Variants in TSHZ2 observed in about 807,000 individuals in gnomAD.
The protein encoded by TSHZ2 is teashirt homolog 2.
Under a neutral mutation model 74.4 loss-of-function variants are expected in TSHZ2, and 21 were observed. The observed-to-expected ratio is 0.28, with a 90% confidence interval of 0.20 to 0.41. The LOEUF is 0.41. TSHZ2 is among the 10% of genes least tolerant of loss of function. The pLI is 1.00. For synonymous variants in TSHZ2, 540 were observed against 515.3 expected (o/e 1.05, Z -0.65); for missense variants, 1,244 against 1,293.5 (o/e 0.96, Z 0.59).
chr20:53,293,483 T>A (rs999305099), intron 2 of TSHZ2, among the ~76,000 whole-genome samples: 4 of 151,554 alleles, frequency 2.6e-5, no homozygotes, highest in Non-Finnish European at 4.4e-5. Flanking sequence ...ACAAAAACAA[T>A]TAATACATGA....
chr20:53,450,627 A>G (rs186334416), intron 2 of TSHZ2, among the ~76,000 whole-genome samples: 4 of 152,292 alleles, frequency 2.6e-5, no homozygotes, highest in Non-Finnish European at 5.9e-5. Context: ...GTGCTCAAGC[A>G]GTCTTCTCGC....
At chr20:53,141,692 C>T (rs1402985750) in intron 1 of TSHZ2, among the ~76,000 whole-genome samples, 1 of 152,194 alleles carries the variant, frequency 6.6e-6, no homozygotes, top group African/African-American at 2.4e-5. Context: ...CTATCCGGGC[C>T]CTCCCTGGTG....
intron 1 of TSHZ2, among the ~76,000 whole-genome samples, chr20:53,154,074 A>G (rs1471635490): frequency 6.6e-6 from 1 of 152,244 alleles, no homozygotes. Context: ...GCAATGGAAA[A>G]ATAAATGCTA....
At chr20:53,344,741 C>T (rs1741310835) in intron 2 of TSHZ2, among the ~76,000 whole-genome samples, 1 of 151,620 alleles carries the variant, frequency 6.6e-6, no homozygotes, top group Admixed American at 6.6e-5. Flanking sequence ...TATATATTAA[C>T]CTAATATGAG....
intron 1 of TSHZ2, among the ~76,000 whole-genome samples, chr20:53,189,419 T>A (rs1268508387): frequency 1.3e-5 from 2 of 152,254 alleles, no homozygotes; most frequent in East Asian, 3.8e-4. Flanking sequence ...TCAGATCACC[T>A]GATTTTTCTG....
At chr20:52,988,725 T>C (rs1981864568) in intron 1 of TSHZ2, among the ~76,000 whole-genome samples, 1 of 152,176 alleles carries the variant, frequency 6.6e-6, no homozygotes, top group South Asian at 2.1e-4. Context: ...TGTAAATCCA[T>C]TCCTGTTTCA....
chr20:53,296,131 A>G (rs1418520652), intron 2 of TSHZ2, among the ~76,000 whole-genome samples: 3 of 150,644 alleles, frequency 2.0e-5, no homozygotes, highest in East Asian at 1.9e-4. Context: ...TATCCGTCCC[A>G]TCTCCAAAAT....
chr20:53,393,895 C>T (rs193108140), intron 2 of TSHZ2, among the ~76,000 whole-genome samples: 2 of 152,286 alleles, frequency 1.3e-5, no homozygotes, highest in African/African-American at 4.8e-5. Context: ...TACAGTAAAA[C>T]TTTTTTAAAA....
intron 2 of TSHZ2, among the ~76,000 whole-genome samples, chr20:53,402,747 C>T (rs1436492226): frequency 6.6e-6 from 1 of 152,122 alleles, no homozygotes; most frequent in East Asian, 1.9e-4. Context: ...TGCTTGTGTG[C>T]AGAGTCCCCG....
intron 1 of TSHZ2, among the ~76,000 whole-genome samples, chr20:53,188,194 C>T (rs771632127): frequency 9.9e-5 from 15 of 152,176 alleles, no homozygotes; most frequent in Non-Finnish European, 1.6e-4. Context: ...CAATGACTAT[C>T]ATTTCTCTCT....
At chr20:53,179,246 ACAC>A (rs1443592639) in intron 1 of TSHZ2, 2 of 152,130 alleles carry the variant, frequency 1.3e-5, no homozygotes. Context: ...AAATTGACCC[ACAC>A]CACATCGAGT....
rs189181621 is a variant in TSHZ2 at position 53,122,896 on chromosome 20, C to T, written c.41-130603C>T. Among the ~76,000 whole-genome samples, 477 of 152,260 alleles carry T rather than the reference C, an allele frequency of 3.1e-3. 2 individuals are homozygous for T. The highest frequency in any genetic ancestry group is 0.011 in the African/African-American group (462 of 41,546). On this transcript the variant is annotated intron_variant, in intron 1 of 2. Transcript: ENST00000371497. ...CCCCACTTCTGATTAAATACATTTT[C>T]TTTTATTTCTGTTCCAAATTCTCTA... is the stretch of plus-strand genomic sequence containing the variant.
chr20:53,192,308 CAAAA>C (rs941716924), intron 1 of TSHZ2, among the ~76,000 whole-genome samples: 1 of 140,048 alleles, frequency 7.1e-6, no homozygotes, highest in African/African-American at 2.6e-5. Flanking sequence ...AAAAAAAAAA[CAAAA>C]AAACAACTTT....
At chr20:53,324,576 G>A (rs1489923346) in intron 2 of TSHZ2, among the ~76,000 whole-genome samples, 3 of 151,948 alleles carry the variant, frequency 2.0e-5, no homozygotes, top group Non-Finnish European at 4.4e-5. Context: ...GGGTTTCACC[G>A]TGTTGCTTAG....
intron 1 of TSHZ2, among the ~76,000 whole-genome samples, chr20:53,084,626 C>T (rs1784601296): frequency 8.3e-6 from 1 of 120,022 alleles, no homozygotes. Flanking sequence ...AACCAAACTT[C>T]CTCCCTCCCT....
rs959770565 is a variant in TSHZ2 at position 53,319,881 on chromosome 20, G to A, written c.*8+63310G>A. ...CTTCTCTGCAGAATGTCACAGCTGA[G>A]AGAGAGACTGATTATTACTCTACAG... On this transcript the variant is annotated intron_variant, in intron 2 of 2. Coordinates refer to ENST00000371497, the MANE Select transcript of TSHZ2 (RefSeq NM_173485.6). Among the ~76,000 whole-genome samples, 4 of 152,228 alleles carry A rather than the reference G, an allele frequency of 2.6e-5. No individual in the cohort carries two copies. In the East Asian group the frequency reaches 7.7e-4, roughly 29 times the overall value.
At chr20:53,443,765 C>T (rs1363014204) in intron 2 of TSHZ2, among the ~76,000 whole-genome samples, 1 of 152,134 alleles carries the variant, frequency 6.6e-6, no homozygotes, top group African/African-American at 2.4e-5. Context: ...TTTCTGCATC[C>T]GTAAAATGAG....
At chr20:53,478,329 G>T (rs1460327443) in intron 2 of TSHZ2, among the ~76,000 whole-genome samples, 1 of 151,702 alleles carries the variant, frequency 6.6e-6, no homozygotes, top group Non-Finnish European at 1.5e-5. Flanking sequence ...ATACTATGCA[G>T]CCATGAAAAT....
At chr20:53,257,538 G>T (rs1423361780) in intron 2 of TSHZ2, among the ~76,000 whole-genome samples, 2 of 152,230 alleles carry the variant, frequency 1.3e-5, no homozygotes, top group East Asian at 3.9e-4. Flanking sequence ...TGGCAGATTA[G>T]TTTCACCAGC....
Sources: gnomAD v4.1 joint callset for allele counts (sites outside exome capture counted in the v4.1 genomes callset) on GRCh38, gnomAD v4.1.1 for gene constraint, MANE v1.5 for transcripts, NCBI Gene and HGNC (gene_info 2026-07-23, HGNC 2026-07-21) for gene names.